Variants in MCPH1 observed in about 807,000 individuals in gnomAD.
MCPH1 encodes the protein microcephalin.
In MCPH1, 104 loss-of-function variants were observed where a neutral mutation model predicts 84.5. The observed-to-expected ratio is 1.23, with a 90% CI of 1.05 to 1.45. The LOEUF (loss-of-function observed/expected upper bound fraction) is 1.45, where lower values mean the gene tolerates loss of function less well. MCPH1 is among the 40% of genes most tolerant of loss of function. The pLI is 0.00. For synonymous variants in MCPH1, 514 were observed against 366.8 expected, an observed-to-expected ratio of 1.40 and a Z score of -4.58; for missense variants, 1,498 against 1,005.7, an observed-to-expected ratio of 1.49 and a Z score of -6.62.
rs373010570 is a variant in MCPH1 at position 6,431,456 on chromosome 8, T to C, written c.234-43T>C. 36 of 1,448,350 alleles carry C rather than the reference T, an allele frequency of 2.5e-5. 1 individual carries two copies. In the African/African-American group the frequency reaches 3.4e-4, roughly 13 times the overall value. 89.7% of individuals were successfully genotyped at this position (1,448,350 alleles called of 1,614,324 possible). ...GATTTAGTGCTGTGTCAATGTATAA[T>C]AGAAGCAAATACTCATTAGACTACC... On this transcript the variant is annotated intron_variant, in intron 3 of 13. Transcript: ENST00000344683.
At chr8:6,492,700 T>A (rs2922810) in intron 11 of MCPH1, among the ~76,000 whole-genome samples, 30,295 of 146,606 alleles carry the variant, frequency 0.21, 3,525 homozygotes, top group Middle Eastern at 0.32. Context: ...AAAATTTTTT[T>A]AAAAATAAAT....
At chr8:6,523,289 G>T (rs567547718) in intron 12 of MCPH1, among the ~76,000 whole-genome samples, 1 of 152,088 alleles carries the variant, frequency 6.6e-6, no homozygotes, top group Non-Finnish European at 1.5e-5. Flanking sequence ...GAGCCACCAC[G>T]CCTGGCAGAA....
intron 9 of MCPH1, among the ~76,000 whole-genome samples, chr8:6,464,418 T>A (rs903473242): frequency 2.6e-5 from 4 of 152,242 alleles, no homozygotes; most frequent in African/African-American, 9.6e-5. Context: ...GAGAAAATAT[T>A]TCTACAGAAA....
chr8:6,476,320 T>C (rs1808447519), intron 9 of MCPH1, among the ~76,000 whole-genome samples: 2 of 151,264 alleles, frequency 1.3e-5, no homozygotes, highest in African/African-American at 2.4e-5. Context: ...TCCCAGCTAG[T>C]TGGGAGGCTG....
At chr8:6,466,435 G>A (rs1181125251) in intron 9 of MCPH1, among the ~76,000 whole-genome samples, 3 of 151,972 alleles carry the variant, frequency 2.0e-5, no homozygotes, top group Admixed American at 1.3e-4. Context: ...AACCTCCTGG[G>A]TAGCTGGGAG....
intron 12 of MCPH1, chr8:6,521,124 G>T: frequency 6.8e-7 from 1 of 1,466,348 alleles, no homozygotes; most frequent in Non-Finnish European, 9.4e-7. Flanking sequence ...TCTTTTGAGT[G>T]TTTTACTGAC....
At chr8:6,611,530 C>G (rs776765939) in intron 12 of MCPH1, among the ~76,000 whole-genome samples, 1 of 152,240 alleles carries the variant, frequency 6.6e-6, no homozygotes, top group South Asian at 2.1e-4. Context: ...GCAGGGCATA[C>G]GGAGCTGCCA....
At chr8:6,476,278 A>G (rs751247843) in intron 9 of MCPH1, among the ~76,000 whole-genome samples, 4 of 151,946 alleles carry the variant, frequency 2.6e-5, no homozygotes, top group Non-Finnish European at 5.9e-5. Context: ...GAAATACAAA[A>G]ATTAGCTCGG....
chr8:6,567,309 C>T (rs1046474449), intron 12 of MCPH1, among the ~76,000 whole-genome samples: 17 of 151,954 alleles, frequency 1.1e-4, no homozygotes, highest in Non-Finnish European at 2.1e-4. Context: ...GGTGCGATGA[C>T]CATGTGTGAT....
Position 6,455,200 on chromosome 8 carries a change from AG to A in MCPH1, c.1885del (p.Asp629ThrfsTer9). 6.2e-7 allele frequency: 1 copy of A among 1,614,114 alleles called. No individual in the cohort carries two copies. The highest frequency in any genetic ancestry group is 8.5e-7 in the Non-Finnish European group (1 of 1,179,988). On this transcript the variant is annotated frameshift_variant, in exon 9 of 14. Transcript: ENST00000344683. LOFTEE classifies it high-confidence loss of function. ...DVLDDSCDGFKDLIKPHEELK... is the reference protein window; with the variant it reads ...DVLDDSCDGFXDLIKPHEELK... ...TTAGATGACTCATGTGACGGCTTTA[AG>A]GACCTCATCAAACCTCATGAGGAAT...
At chr8:6,479,375 G>A (rs1808889593) in intron 10 of MCPH1, among the ~76,000 whole-genome samples, 1 of 151,614 alleles carries the variant, frequency 6.6e-6, no homozygotes, top group African/African-American at 2.4e-5. Flanking sequence ...TATAATTTTT[G>A]GAGAGGAGAG....
chr8:6,577,972 C>A (rs1347795218), intron 12 of MCPH1, among the ~76,000 whole-genome samples: 1 of 152,130 alleles, frequency 6.6e-6, no homozygotes, highest in Non-Finnish European at 1.5e-5. Context: ...TTGCTGTGTG[C>A]GATCCTGTGA....
In MCPH1 at chr8:6,647,219, T is replaced by G. The variant is rs1488587595; in HGVS notation, c.*4170T>G. 2 of 152,112 alleles carry G rather than the reference T, an allele frequency of 1.3e-5. No individual in the cohort carries two copies. Among genetic ancestry groups the G allele is most frequent in the Non-Finnish European group, 2.9e-5 (2 of 68,004 alleles). 9.4% of individuals were successfully genotyped at this position (152,112 alleles called of 1,614,324 possible). A position where few individuals can be genotyped will look rare whatever the true frequency, so the allele number is the denominator to read the frequency against. On this transcript the variant is annotated 3_prime_UTR_variant, in exon 14 of 14. Coordinates refer to ENST00000344683, the MANE Select transcript of MCPH1 (RefSeq NM_024596.5). ...AGGGAAATACAAATTAAAGGCCCAA[T>G]GAAATACCTATTACACACCCATTAG...
At chr8:6,492,595 A>G (rs887567460) in intron 11 of MCPH1, among the ~76,000 whole-genome samples, 15 of 150,718 alleles carry the variant, frequency 1.0e-4, no homozygotes, top group African/African-American at 3.4e-4. Flanking sequence ...ATGCTATAGA[A>G]ATAGCATATT....
At chr8:6,516,592 G>A (rs532279669) in intron 12 of MCPH1, among the ~76,000 whole-genome samples, 3 of 152,320 alleles carry the variant, frequency 2.0e-5, no homozygotes, top group South Asian at 4.2e-4. Flanking sequence ...AATGGTCAGT[G>A]CTGCTCACTT....
chr8:6,616,141 G>C (rs1391607558), intron 12 of MCPH1: 4 of 152,172 alleles, frequency 2.6e-5, no homozygotes, highest in African/African-American at 9.7e-5. Context: ...GGACCACTCA[G>C]AGGAAGAATG....
At chr8:6,486,673 TTA>T (rs1238008354) in intron 11 of MCPH1, among the ~76,000 whole-genome samples, 1 of 152,210 alleles carries the variant, frequency 6.6e-6, no homozygotes, top group Non-Finnish European at 1.5e-5. Flanking sequence ...AGAGAATAAT[TTA>T]TGTTTTTCCT....
chr8:6,607,703 A>G (rs1253096076), intron 12 of MCPH1, among the ~76,000 whole-genome samples: 3 of 152,190 alleles, frequency 2.0e-5, no homozygotes, highest in Admixed American at 2.0e-4. Context: ...ATGAGATCTG[A>G]TGGTGAATAA....
intron 12 of MCPH1, among the ~76,000 whole-genome samples, chr8:6,509,780 T>C (rs550122750): frequency 6.6e-6 from 1 of 152,306 alleles, no homozygotes; most frequent in East Asian, 1.9e-4. Flanking sequence ...AGCTTAGCTC[T>C]AGCCTTCCTT....
Sources: allele counts gnomAD v4.1 joint callset (sites outside exome capture counted in the v4.1 genomes callset), GRCh38; gene constraint gnomAD v4.1.1; transcripts MANE v1.5; gene names NCBI Gene and HGNC (gene_info 2026-07-23, HGNC 2026-07-21).